The following ADAMTS2 variants were observed in gnomAD, a reference collection of about 807,000 sequenced individuals.
The protein encoded by ADAMTS2 is A disintegrin and metalloproteinase with thrombospondin motifs 2.
ADAMTS2 carries 50 observed loss-of-function variants against 123.0 expected under a neutral mutation model. That is an observed-to-expected ratio of 0.41 (90% CI 0.32 to 0.51). The LOEUF (loss-of-function observed/expected upper bound fraction) is 0.51, where lower values mean the gene tolerates loss of function less well. ADAMTS2 is among the 20% of genes least tolerant of loss of function. The pLI is 0.35. For missense variants in ADAMTS2, 1,494 were observed against 1,705.2 expected (o/e 0.88, Z 2.18); for synonymous variants, 678 against 695.4 (o/e 0.98, Z 0.39).
intron 10 of ADAMTS2, among the ~76,000 whole-genome samples, chr5:179,149,542 A>G (rs1387719838): frequency 6.6e-6 from 1 of 152,136 alleles, no homozygotes; most frequent in Non-Finnish European, 1.5e-5. Flanking sequence ...GGATGGAAGG[A>G]GCCACGCAGT....
At chr5:179,147,096 T>C (rs1452190409) in intron 10 of ADAMTS2, among the ~76,000 whole-genome samples, 1 of 152,224 alleles carries the variant, frequency 6.6e-6, no homozygotes, top group African/African-American at 2.4e-5. Flanking sequence ...GTTTTATTTA[T>C]TTATCGTTTT....
rs1490267605 is a variant in ADAMTS2 at position 179,262,465 on chromosome 5, G to A, written c.688+10446C>T. Reference sequence around the variant, plus strand: ...AGGGAATGAATTCTCACCCCGTACCGTGACCGTCCCTTCAAAGCGATGAGT... The same window carrying A: ...AGGGAATGAATTCTCACCCCGTACCATGACCGTCCCTTCAAAGCGATGAGT... On this transcript the variant is annotated intron_variant, in intron 3 of 21. Transcript: ENST00000251582. The surrounding 1 kb of genome is among the most constrained non-coding windows in gnomAD (Gnocchi z 5.9). Among the ~76,000 whole-genome samples the A allele has an allele frequency of 2.6e-5, 4 of 151,078 alleles. No individual in the cohort carries two copies. The highest frequency in any genetic ancestry group is 2.1e-4 in the South Asian group (1 of 4,730).
chr5:179,335,295 C>A (rs568162975), intron 2 of ADAMTS2, among the ~76,000 whole-genome samples: 83 of 152,194 alleles, frequency 5.5e-4, no homozygotes, highest in Admixed American at 4.3e-3. Flanking sequence ...CCATTTCAAC[C>A]TGTAATCAAT....
chr5:179,179,273 G>A (rs1394245668), intron 5 of ADAMTS2, among the ~76,000 whole-genome samples: 1 of 147,060 alleles, frequency 6.8e-6, no homozygotes, highest in Admixed American at 6.8e-5. Context: ...TTTTTTTAAT[G>A]TTTTCAAATG....
At chr5:179,217,079 G>T (rs921254107) in intron 3 of ADAMTS2, among the ~76,000 whole-genome samples, 28 of 152,358 alleles carry the variant, frequency 1.8e-4, no homozygotes, top group African/African-American at 6.0e-4. Context: ...ATGGGGAGCT[G>T]CCCCTTGCAG....
chr5:179,311,125 G>A (rs905170419), intron 2 of ADAMTS2, among the ~76,000 whole-genome samples: 2 of 151,432 alleles, frequency 1.3e-5, no homozygotes, highest in East Asian at 3.9e-4. Context: ...ATTATATAAG[G>A]GGAGGATGCG....
rs965053773 is a variant in ADAMTS2, at chr5:179,189,046, C to T, written c.892-7891G>A. 6.6e-6 allele frequency among the ~76,000 whole-genome samples: 1 copy of T among 152,180 alleles called. No individual in the cohort carries two copies. Among genetic ancestry groups the T allele is most frequent in the Admixed American group, 6.5e-5 (1 of 15,278 alleles). ...CAGATTTCATGGGTGCCAGCATGGG[C>T]TCTGCCACAATCCTGCTGCGTGACT... is the stretch of plus-strand genomic sequence containing the variant. On this transcript the variant is annotated intron_variant, in intron 4 of 21. Coordinates refer to ENST00000251582, the MANE Select transcript of ADAMTS2 (RefSeq NM_014244.5). This position sits in a 1 kb window ranked among gnomAD's most constrained non-coding sequence, Gnocchi z 4.2.
In ADAMTS2 at chr5:179,122,614, G is replaced by C. The variant is rs1762783643; in HGVS notation, c.3088+30C>G. 3 of 1,547,948 alleles carry C rather than the reference G, an allele frequency of 1.9e-6. No individual in the cohort carries two copies. The African/African-American group carries it at 4.1e-5, about 21-fold the overall frequency. ...CCCGCCCTGGGCTGCTGCATGCTGG[G>C]AGCAGGGGCAGGGGCTGCAGGTGGC... On this transcript the variant is annotated intron_variant, in intron 20 of 21. Coordinates refer to ENST00000251582, the MANE Select transcript of ADAMTS2 (RefSeq NM_014244.5).
At chr5:179,220,485 C>A (rs1765100960) in intron 3 of ADAMTS2, among the ~76,000 whole-genome samples, 1 of 152,194 alleles carries the variant, frequency 6.6e-6, no homozygotes, top group African/African-American at 2.4e-5. Flanking sequence ...GGTCCAGGGC[C>A]TGCTGCCTCC....
In ADAMTS2 at chr5:179,112,764, G is replaced by C. The variant is rs893436862; in HGVS notation, c.*1103C>G. 6.6e-6 allele frequency: 1 copy of C among 152,286 alleles called. No homozygotes were observed. The highest frequency in any genetic ancestry group is 1.9e-4 in the East Asian group (1 of 5,200). 9.4% of individuals were successfully genotyped at this position (152,286 alleles called of 1,614,324 possible). On this transcript the variant is annotated 3_prime_UTR_variant, in exon 22 of 22. Transcript: ENST00000251582. ...TCACTGGACCTTCCCAGCAGAGCAC[G>C]TGCCTCTCTCATCTTTCTCAGGTAC...
chr5:179,129,591 C>A lies in ADAMTS2; in HGVS notation c.2457+341G>T. The stretch of plus-strand genomic sequence containing the variant: ...GGCATCTAGCTTCCCAGACCCTGAG[C>A]GTCACCTCCCAGAGTGTCACCGATT... On this transcript the variant is annotated intron_variant, in intron 16 of 21. Transcript: ENST00000251582. This position sits in a 1 kb window ranked among gnomAD's most constrained non-coding sequence, Gnocchi z 4.1. 6.6e-6 allele frequency among the ~76,000 whole-genome samples: 1 copy of A among 152,118 alleles called. No individual in the cohort carries two copies. Among genetic ancestry groups the A allele is most frequent in the East Asian group, 1.9e-4 (1 of 5,188 alleles).
chr5:179,154,628 A>C (rs914941917), intron 7 of ADAMTS2, among the ~76,000 whole-genome samples, 186 bp downstream of exon 7: 5 of 152,114 alleles, frequency 3.3e-5, no homozygotes, highest in Admixed American at 3.3e-4. Flanking sequence ...TCCTCCTTCA[A>C]TTGGTTCCTT....
Position 179,132,971 on chromosome 5 carries a change from C to T in ADAMTS2, c.2086-71G>A. On this transcript the variant is annotated intron_variant, in intron 13 of 21. Transcript: ENST00000251582. This position sits in a 1 kb window ranked among gnomAD's most constrained non-coding sequence, Gnocchi z 6.1. ...GAGTCAGGGTCATACTATGTTGCCC[C>T]CAGTCTCGAACACCTGGCCTCAAGC... 1 of 1,572,084 alleles carries T rather than the reference C, an allele frequency of 6.4e-7. No individual in the cohort carries two copies. Among genetic ancestry groups the T allele is most frequent in the Non-Finnish European group, 8.6e-7 (1 of 1,160,634 alleles).
intron 3 of ADAMTS2, among the ~76,000 whole-genome samples, chr5:179,235,429 C>A (rs1244806316): frequency 6.6e-6 from 1 of 152,320 alleles, no homozygotes; most frequent in East Asian, 1.9e-4. Flanking sequence ...GAGCCAGATG[C>A]CAGCCTATGT....
intron 11 of ADAMTS2, among the ~76,000 whole-genome samples, chr5:179,138,259 C>G (rs1435256186): frequency 2.0e-5 from 3 of 152,216 alleles, no homozygotes; most frequent in African/African-American, 7.2e-5. Flanking sequence ...GATGCCTGGG[C>G]TTGGAGATGA....
chr5:179,196,696 G>C (rs1764440686), intron 4 of ADAMTS2, among the ~76,000 whole-genome samples: 1 of 152,196 alleles, frequency 6.6e-6, no homozygotes, highest in Non-Finnish European at 1.5e-5. Flanking sequence ...TGGAGGCCTG[G>C]GGCCATCACA....
rs905843112 is a variant in ADAMTS2 at position 179,312,089 on chromosome 5, C to T, written c.534+31678G>A. On this transcript the variant is annotated intron_variant, in intron 2 of 21. Transcript: ENST00000251582. This position sits in a 1 kb window ranked among gnomAD's most constrained non-coding sequence, Gnocchi z 4.2. ...CAGAGGTGCAAATATAACAGTCAGA[C>T]GACCATGGCAGTGGTCAGCTGAAAA... Among the ~76,000 whole-genome samples the T allele has an allele frequency of 5.3e-5, 8 of 152,148 alleles. No individual in the cohort carries two copies. The highest frequency in any genetic ancestry group is 1.0e-4 in the Non-Finnish European group (7 of 68,036).
rs886060483 is a variant in ADAMTS2, at chr5:179,111,597, G to A, written c.*2270C>T. 4 of 152,234 alleles carry A rather than the reference G, an allele frequency of 2.6e-5. No homozygotes were observed. In the East Asian group the frequency reaches 7.7e-4, roughly 29 times the overall value. 9.4% of individuals were successfully genotyped at this position (152,234 alleles called of 1,614,324 possible). On this transcript the variant is annotated 3_prime_UTR_variant, in exon 22 of 22. Transcript: ENST00000251582. ...AGGTGCCCAGGGAATGTCCCAGCTG[G>A]GCCTCTTCCCAAAGGCTTCCAGCCT...
intron 4 of ADAMTS2, among the ~76,000 whole-genome samples, chr5:179,190,224 G>A (rs561849755): frequency 5.3e-5 from 8 of 152,224 alleles, no homozygotes; most frequent in Admixed American, 4.6e-4. Context: ...AAATTTTTGG[G>A]GGTGATATGG....
Sources: allele counts gnomAD v4.1 joint callset (sites outside exome capture counted in the v4.1 genomes callset), GRCh38; gene constraint gnomAD v4.1.1; non-coding constraint Gnocchi (gnomAD v3.1); transcripts MANE v1.5; gene names NCBI Gene and HGNC (gene_info 2026-07-23, HGNC 2026-07-21).